Variants in ANKRD11 observed in about 807,000 individuals in gnomAD.
ANKRD11 encodes the protein ankyrin repeat domain-containing protein 11.
In ANKRD11, 17 loss-of-function variants were observed where a neutral mutation model predicts 195.7. The ratio of observed to expected loss-of-function variants is 0.09; its 90% CI spans 0.06 to 0.13. The LOEUF is 0.13. Among genes scored for constraint, ANKRD11 ranks in the 10% least tolerant of loss-of-function variants. The pLI, the probability that ANKRD11 is intolerant of heterozygous loss-of-function variation, is 1.00. For synonymous variants in ANKRD11, 1,953 were observed against 1,528.1 expected (o/e 1.28, Z -6.49); for missense variants, 3,735 against 3,566.1 (o/e 1.05, Z -1.21).
At chr16:89,287,740 C>G (rs2034746069) in intron 7 of ANKRD11, 1 of 169,424 alleles carries the variant, frequency 5.9e-6, no homozygotes, top group African/African-American at 2.4e-5. Flanking sequence ...AGTCTTCAAT[C>G]CACCCCCCAC....
At chr16:89,474,915 T>A (rs1188108035) in intron 1 of ANKRD11, among the ~76,000 whole-genome samples, 1 of 152,200 alleles carries the variant, frequency 6.6e-6, no homozygotes, top group Non-Finnish European at 1.5e-5. Flanking sequence ...GTGCTGATGA[T>A]CTAGAAGGAA....
intron 2 of ANKRD11, chr16:89,323,445 AGGGCAGGGGGGCAGAGCCG>A (rs2037471686): frequency 2.5e-6 from 1 of 407,060 alleles, no homozygotes; most frequent in Non-Finnish European, 3.9e-6. Context: ...GGCTGAGCCG[AGGGCAGGGGGGCAGAGCCG>A]AGGGCAGGGG....
intron 1 of ANKRD11, among the ~76,000 whole-genome samples, chr16:89,463,084 G>A (rs1428759242): frequency 1.2e-4 from 18 of 149,626 alleles, no homozygotes; most frequent in Admixed American, 2.0e-4. Context: ...CAGCCGCCCC[G>A]CCCGGGAGGT....
chr16:89,366,139 A>T (rs1319957282), intron 2 of ANKRD11, among the ~76,000 whole-genome samples: 1 of 151,128 alleles, frequency 6.6e-6, no homozygotes, highest in East Asian at 1.9e-4. Flanking sequence ...CAAAAAAAAA[A>T]AAAAAAAAAA....
At chr16:89,404,805 C>A (rs1489155225) in intron 2 of ANKRD11, among the ~76,000 whole-genome samples, 1 of 152,234 alleles carries the variant, frequency 6.6e-6, no homozygotes, top group African/African-American at 2.4e-5. Context: ...ATGAAGGCAT[C>A]ATGGATCCAA....
At chr16:89,327,646 G>C (rs2037805493) in intron 2 of ANKRD11, among the ~76,000 whole-genome samples, 1 of 152,064 alleles carries the variant, frequency 6.6e-6, no homozygotes, top group African/African-American at 2.4e-5. Flanking sequence ...ATGAAAACAA[G>C]AAATACACAG....
intron 1 of ANKRD11, chr16:89,420,232 G>C (rs1157659226): frequency 2.6e-5 from 4 of 152,238 alleles, no homozygotes; most frequent in Non-Finnish European, 4.4e-5. Flanking sequence ...CAGGAAGCCA[G>C]CGAGGAACCC....
rs576742682 is a variant in ANKRD11, at chr16:89,279,565, G to C, written c.6977C>G (p.Ala2326Gly). ...EPKPTAEAPK[A>G]PRVEEIPQRM... ...CTGAGGGATCTCCTCCACTCGGGGG[G>C]CCTTCGGGGCTTCGGCCGTGGGTTT... The change falls in exon 9 of 13, where the codon GCC becomes GGC. Residue 2326 changes from alanine (A) to glycine (G), a missense_variant. Coordinates refer to ENST00000301030, the MANE Select transcript of ANKRD11 (RefSeq NM_013275.6). This position sits in a 1 kb window ranked among gnomAD's most constrained non-coding sequence, Gnocchi z 5.6. 9.4e-5 allele frequency: 135 copies of C among 1,434,702 alleles called. No individual in the cohort carries two copies. Among genetic ancestry groups the C allele is most frequent in the Middle Eastern group, 2.5e-4 (1 of 4,038 alleles). 88.9% of individuals were successfully genotyped at this position (1,434,702 alleles called of 1,614,324 possible).
intron 2 of ANKRD11, among the ~76,000 whole-genome samples, chr16:89,364,424 G>A (rs1216543857): frequency 6.6e-6 from 1 of 152,228 alleles, no homozygotes; most frequent in Non-Finnish European, 1.5e-5. Context: ...CTCACGGTAA[G>A]AACAAGCTGA....
chr16:89,489,433 C>T (rs1003476548), intron 1 of ANKRD11, among the ~76,000 whole-genome samples: 45 of 145,544 alleles, frequency 3.1e-4, no homozygotes, highest in Admixed American at 1.1e-3. Context: ...CCCCTAACAC[C>T]CCCCACACGG....
At chr16:89,381,479 C>A (rs1157901735) in intron 2 of ANKRD11, among the ~76,000 whole-genome samples, 1 of 152,006 alleles carries the variant, frequency 6.6e-6, no homozygotes, top group Non-Finnish European at 1.5e-5. Context: ...ATTGTAACAG[C>A]CCCAACATTA....
chr16:89,310,591 T>G (rs1233319226), intron 3 of ANKRD11, among the ~76,000 whole-genome samples: 1 of 152,218 alleles, frequency 6.6e-6, no homozygotes, highest in African/African-American at 2.4e-5. Flanking sequence ...ACTCTGCATT[T>G]AGGTGTTTCT....
intron 1 of ANKRD11, among the ~76,000 whole-genome samples, chr16:89,455,139 C>A (rs1324004016): frequency 8.4e-6 from 1 of 118,590 alleles, no homozygotes; most frequent in Admixed American, 8.4e-5. Context: ...AGCTGCTCCC[C>A]TGGGTGCTGT....
At chr16:89,276,784 G>A (rs1287440823) in intron 9 of ANKRD11, among the ~76,000 whole-genome samples, 4 of 152,182 alleles carry the variant, frequency 2.6e-5, no homozygotes, top group Non-Finnish European at 5.9e-5. Context: ...TAGGCCGAGC[G>A]CAGTGGCTCA....
In ANKRD11 at chr16:89,285,463, G is replaced by A. The variant is rs752417963; in HGVS notation, c.1079C>T (p.Pro360Leu). The A allele has an allele frequency of 8.7e-6, 14 of 1,613,854 alleles. No individual in the cohort carries two copies. Among genetic ancestry groups the A allele is most frequent in the Admixed American group, 5.0e-5 (3 of 59,974 alleles). ...TTTCAATAGGTGCTTGTCGTCCACC[G>A]GAGGAACCCTGTCCTGCTCGTCGTC... is the stretch of plus-strand genomic sequence containing the variant. ...DEDDEQDRVP[P>L]VDDKHLLKKD... The change falls in exon 9 of 13, where the codon CCG (proline) becomes CTG (leucine). Residue 360 changes from proline (P) to leucine (L), a missense_variant. Transcript: ENST00000301030. This position sits in a 1 kb window ranked among gnomAD's most constrained non-coding sequence, Gnocchi z 5.6.
chr16:89,334,144 T>TAAAAAAAAAAAAAAAAAAA lies in ANKRD11; in HGVS notation c.-59-17085_-59-17067dup, dbSNP rs869142504. ...GGTAACATGATGAAACCCTGTGTTT[T>TAAAAAAAAAAAAAAAAAAA]AAAAAAAAAAAAAAAAAAAAAAAAA... On this transcript the variant is annotated intron_variant, in intron 2 of 12. Coordinates refer to ENST00000301030, the MANE Select transcript of ANKRD11 (RefSeq NM_013275.6). Among the ~76,000 whole-genome samples, 17 of 41,414 alleles carry TAAAAAAAAAAAAAAAAAAA rather than the reference T, an allele frequency of 4.1e-4. 2 individuals are homozygous for TAAAAAAAAAAAAAAAAAAA. The highest frequency in any genetic ancestry group is 1.4e-3 in the African/African-American group (15 of 10,446). The allele number at this position is 41,414 out of a possible 152,430, so 27.2% of individuals were successfully genotyped here. A position where few individuals can be genotyped will look rare whatever the true frequency, so the allele number is the denominator to read the frequency against.
At chr16:89,370,825 A>G in intron 2 of ANKRD11, 1 of 152,736 alleles carries the variant, frequency 6.5e-6, no homozygotes, top group Non-Finnish European at 1.5e-5. Flanking sequence ...GACGACCCCC[A>G]GGCCGGCTCC....
In ANKRD11 at chr16:89,285,391, G is replaced by C; in HGVS notation, c.1151C>G (p.Pro384Arg). Reference sequence around the variant, plus strand: ...AGTGTAACTTTTAACCTCCATTTTGGGTATAGAGATAAAACTATTGGATTT... The same window carrying C: ...AGTGTAACTTTTAACCTCCATTTTGCGTATAGAGATAAAACTATTGGATTT... Reference protein sequence around the residue: ...ETKSNSFISIPKMEVKSYTKN... With the variant: ...ETKSNSFISIRKMEVKSYTKN... The change falls in exon 9 of 13, where the codon CCC becomes CGC. Residue 384 changes from proline (P) to arginine (R), a missense_variant. Transcript: ENST00000301030. This position sits in a 1 kb window ranked among gnomAD's most constrained non-coding sequence, Gnocchi z 5.6. 2 of 1,613,994 alleles carry C rather than the reference G, an allele frequency of 1.2e-6. No individual in the cohort carries two copies. Among genetic ancestry groups the C allele is most frequent in the Non-Finnish European group, 1.7e-6 (2 of 1,180,002 alleles).
chr16:89,427,348 C>G (rs1354787568), intron 1 of ANKRD11, among the ~76,000 whole-genome samples: 1 of 152,202 alleles, frequency 6.6e-6, no homozygotes, highest in Non-Finnish European at 1.5e-5. Context: ...CCAGGGTGAC[C>G]TGATGATTCA....
Sources: gnomAD v4.1 joint callset for allele counts (sites outside exome capture counted in the v4.1 genomes callset) on GRCh38, gnomAD v4.1.1 for gene constraint, Gnocchi (gnomAD v3.1) non-coding constraint, MANE v1.5 for transcripts, NCBI Gene and HGNC (gene_info 2026-07-23, HGNC 2026-07-21) for gene names.